Variants in TENM2 observed in about 807,000 individuals in gnomAD.
The protein encoded by TENM2 is teneurin transmembrane protein 2.
TENM2 carries 52 observed loss-of-function variants against 245.2 expected under a neutral mutation model. The ratio of observed to expected loss-of-function variants is 0.21; its 90% CI spans 0.17 to 0.27. TENM2 has a LOEUF of 0.27. TENM2 is among the 10% of genes least tolerant of loss of function. The probability of loss-of-function intolerance (pLI) is 1.00; values close to 1 mark genes in which losing one functional copy is unlikely to be tolerated. For missense variants in TENM2, 3,046 were observed against 3,666.8 expected (o/e 0.83, Z 4.37); for synonymous variants, 1,363 against 1,438.9 (o/e 0.95, Z 1.19).
At position 167,526,292 on chromosome 5, in the gene TENM2, T is replaced by C. The variant is rs1005980588; in HGVS notation, c.502+150819T>C. On this transcript the variant is annotated intron_variant, in intron 2 of 28. Coordinates refer to ENST00000518659, the Ensembl canonical transcript of TENM2. Reference sequence around the variant, plus strand: ...AGAGGTCATCTCTGAAAAATAATCTTAAGATGTGAATGCATAGAGTCAGCT... The same window carrying C: ...AGAGGTCATCTCTGAAAAATAATCTCAAGATGTGAATGCATAGAGTCAGCT... 3.3e-5 allele frequency among the ~76,000 whole-genome samples: 5 copies of C among 151,152 alleles called. 1 individual carries two copies. The highest frequency in any genetic ancestry group is 2.0e-4 in the Admixed American group (3 of 15,108).
chr5:168,182,127 A>G (rs143776817), intron 13 of TENM2, among the ~76,000 whole-genome samples: 29 of 152,294 alleles, frequency 1.9e-4, no homozygotes, highest in Non-Finnish European at 4.0e-4. Context: ...TATTGCTTTA[A>G]AAGGTTCGCA....
In TENM2 at chr5:167,583,003, C is replaced by A. The variant is rs565883090; in HGVS notation, c.502+207530C>A. The stretch of plus-strand genomic sequence containing the variant: ...ATATTAAGCTAAAATTGTTGACAGT[C>A]CAGCACTTGCTGCACAGTTGAGCAT... On this transcript the variant is annotated intron_variant, in intron 2 of 28. Transcript: ENST00000518659. Among the ~76,000 whole-genome samples, 25 of 152,250 alleles carry A rather than the reference C, an allele frequency of 1.6e-4. No individual in the cohort carries two copies. In the East Asian group the frequency reaches 4.6e-3, roughly 28 times the overall value.
chr5:167,779,719 A>G (rs1350630479), intron 2 of TENM2, among the ~76,000 whole-genome samples: 2 of 152,350 alleles, frequency 1.3e-5, no homozygotes, highest in Admixed American at 1.3e-4. Context: ...ATCAAGTAAC[A>G]TACCAGAACA....
intron 2 of TENM2, among the ~76,000 whole-genome samples, chr5:167,621,140 A>C (rs1778146024): frequency 6.6e-6 from 1 of 152,192 alleles, no homozygotes; most frequent in African/African-American, 2.4e-5. Context: ...TTATACTCGG[A>C]GCAAAGTCTA....
At chr5:168,116,585 CA>C (rs777651424) in intron 9 of TENM2, among the ~76,000 whole-genome samples, 3 of 152,164 alleles carry the variant, frequency 2.0e-5, no homozygotes, top group African/African-American at 7.2e-5. Context: ...ATCAGGAACA[CA>C]GGAGAAATGT....
At chr5:167,962,793 G>A (rs923939978) in intron 4 of TENM2, among the ~76,000 whole-genome samples, 1 of 152,090 alleles carries the variant, frequency 6.6e-6, no homozygotes, top group Non-Finnish European at 1.5e-5. Context: ...ACAGTATGAG[G>A]GTAACCGCCC....
At chr5:168,130,796 G>A (rs1472959667) in intron 12 of TENM2, among the ~76,000 whole-genome samples, 3 of 152,100 alleles carry the variant, frequency 2.0e-5, no homozygotes, top group Non-Finnish European at 4.4e-5. Flanking sequence ...GGCCGATGTG[G>A]GAGAATCGCT....
intron 2 of TENM2, among the ~76,000 whole-genome samples, chr5:167,689,251 C>T (rs1757270383): frequency 6.6e-6 from 1 of 152,208 alleles, no homozygotes; most frequent in Non-Finnish European, 1.5e-5. Context: ...AGGAAGAGCC[C>T]CAGGCAGCAG....
intron 2 of TENM2, among the ~76,000 whole-genome samples, chr5:167,489,526 C>T (rs1256167409): frequency 4.6e-5 from 7 of 152,132 alleles, no homozygotes; most frequent in African/African-American, 1.7e-4. Context: ...GGCAACACTG[C>T]CCTTCAGCAT....
intron 2 of TENM2, chr5:167,755,008 A>G (rs1167497023): frequency 6.3e-7 from 1 of 1,580,416 alleles, no homozygotes; most frequent in African/African-American, 1.3e-5. Context: ...TTCTGTAGTT[A>G]GAGGGAAACA....
chr5:167,847,607 T>G (rs1391182441), intron 2 of TENM2, among the ~76,000 whole-genome samples: 1 of 152,232 alleles, frequency 6.6e-6, no homozygotes, highest in Non-Finnish European at 1.5e-5. Context: ...CCTTCATACC[T>G]TCACCTCACT....
At position 167,959,586 on chromosome 5, in the gene TENM2, G is replaced by T. The variant is rs976418281; in HGVS notation, c.947+6764G>T. ...GTTCTTCTCTAAACTGGTTATTCTA[G>T]TTAGCAATTCCTCTAGCCTTTTTTC... On this transcript the variant is annotated intron_variant, in intron 4 of 28. Coordinates refer to ENST00000518659, the Ensembl canonical transcript of TENM2. Among the ~76,000 whole-genome samples the T allele has an allele frequency of 3.3e-5, 5 of 152,262 alleles. No individual in the cohort carries two copies. The South Asian group carries it at 1.0e-3, about 32-fold the overall frequency.
At chr5:168,088,505 G>A (rs192788409) in intron 7 of TENM2, among the ~76,000 whole-genome samples, 163 of 152,202 alleles carry the variant, frequency 1.1e-3, no homozygotes, top group African/African-American at 3.8e-3. Context: ...AGCGCCCCAC[G>A]TGTGAAACTA....
At chr5:167,702,830 A>T (rs1758257508) in intron 2 of TENM2, among the ~76,000 whole-genome samples, 1 of 151,778 alleles carries the variant, frequency 6.6e-6, no homozygotes, top group Non-Finnish European at 1.5e-5. Context: ...ATGCCCAGGT[A>T]ATTTTTGTAT....
chr5:167,878,494 C>T (rs1773609370), intron 3 of TENM2, among the ~76,000 whole-genome samples: 1 of 152,062 alleles, frequency 6.6e-6, no homozygotes, highest in African/African-American at 2.4e-5. Context: ...CTCCGGTCAA[C>T]AGGCAGTCAT....
chr5:167,815,876 A>G (rs1767009787), intron 2 of TENM2, among the ~76,000 whole-genome samples: 1 of 152,008 alleles, frequency 6.6e-6, no homozygotes. Context: ...CCTACATGAC[A>G]CTGAGAAGAT....
the TENM2 span, among the ~76,000 whole-genome samples, chr5:167,125,992 A>C: frequency 3.1e-4 from 47 of 152,218 alleles, no homozygotes; most frequent in Non-Finnish European, 6.5e-4. Flanking sequence ...ATGTACACAA[A>C]GTGAAGCTTT....
the TENM2 span, among the ~76,000 whole-genome samples, chr5:167,143,882 A>T: frequency 1.3e-5 from 2 of 152,166 alleles, no homozygotes; most frequent in African/African-American, 4.8e-5. Flanking sequence ...TACGAGATGC[A>T]GTTGACTGGC....
chr5:168,167,733 G>A (rs34926084), intron 13 of TENM2, among the ~76,000 whole-genome samples: 1 of 152,158 alleles, frequency 6.6e-6, no homozygotes, highest in African/African-American at 2.4e-5. Context: ...CATCATAATT[G>A]ATTGAGGGCT....
Sources: gnomAD v4.1 joint callset for allele counts (sites outside exome capture counted in the v4.1 genomes callset) on GRCh38, gnomAD v4.1.1 for gene constraint, MANE v1.5 for transcripts, NCBI Gene and HGNC (gene_info 2026-07-23, HGNC 2026-07-21) for gene names.